The following PTPRG variants were observed in gnomAD, a reference collection of about 807,000 sequenced individuals.
The protein encoded by PTPRG is protein tyrosine phosphatase receptor type G.
Under a neutral mutation model 165.3 loss-of-function variants are expected in PTPRG, and 102 were observed. That is an observed-to-expected ratio of 0.62 (90% CI 0.53 to 0.73). The LOEUF (loss-of-function observed/expected upper bound fraction) is 0.73. Among genes scored for constraint, PTPRG ranks in the 30% least tolerant of loss-of-function variants. The pLI is 0.00. For synonymous variants in PTPRG, 675 were observed against 669.5 expected (o/e 1.01, Z -0.13); for missense variants, 1,866 against 1,861.4 (o/e 1.00, Z -0.05).
In PTPRG at chr3:62,115,635, A is replaced by G. The variant is rs889163410; in HGVS notation, c.616-16967A>G. 2.0e-5 allele frequency among the ~76,000 whole-genome samples: 3 copies of G among 151,268 alleles called. No homozygotes were observed. In the East Asian group the frequency reaches 5.8e-4, roughly 29 times the overall value. On this transcript the variant is annotated intron_variant, in intron 5 of 29. Transcript: ENST00000474889. ...GGCACCATATAGATTGATCCAAGGC[A>G]CATTCTTTTTTTTTTTTTTAGAGAC...
At chr3:62,099,211 C>T (rs1457149429) in intron 5 of PTPRG, among the ~76,000 whole-genome samples, 1 of 152,108 alleles carries the variant, frequency 6.6e-6, no homozygotes, top group Admixed American at 6.6e-5. Context: ...CAATAAAATC[C>T]AGAGGTCCAG....
At chr3:62,173,404 G>A (rs1311212275) in intron 8 of PTPRG, among the ~76,000 whole-genome samples, 1 of 152,120 alleles carries the variant, frequency 6.6e-6, no homozygotes, top group Non-Finnish European at 1.5e-5. Context: ...ATGTCTTGCG[G>A]TAAAGTTTTA....
At chr3:61,964,558 A>C (rs775692008) in intron 2 of PTPRG, among the ~76,000 whole-genome samples, 4 of 152,170 alleles carry the variant, frequency 2.6e-5, no homozygotes, top group Non-Finnish European at 5.9e-5. Context: ...CAAATCGCTG[A>C]ACTGCCCTTC....
At chr3:61,603,202 C>T (rs2106852305) in intron 1 of PTPRG, among the ~76,000 whole-genome samples, 1 of 152,270 alleles carries the variant, frequency 6.6e-6, no homozygotes, top group South Asian at 2.1e-4. Flanking sequence ...CTTAGGGCTA[C>T]TGATAAAGTT....
At chr3:61,718,955 A>G (rs2031935589) in intron 1 of PTPRG, among the ~76,000 whole-genome samples, 1 of 151,482 alleles carries the variant, frequency 6.6e-6, no homozygotes, top group African/African-American at 2.4e-5. Context: ...TGTACCTCTT[A>G]TAGCTTTGTT....
intron 2 of PTPRG, among the ~76,000 whole-genome samples, chr3:61,895,672 G>A (rs1248106621): frequency 6.6e-6 from 1 of 152,134 alleles, no homozygotes; most frequent in Non-Finnish European, 1.5e-5. Flanking sequence ...GGGCTTCTTG[G>A]TAGCAGTTTA....
At chr3:62,265,884 CTGTGCCTT>C in intron 17 of PTPRG, among the ~76,000 whole-genome samples, 1 of 111,850 alleles carries the variant, frequency 8.9e-6, no homozygotes. Flanking sequence ...ACGTATACAT[CTGTGCCTT>C]ATATACACAC....
In PTPRG at chr3:61,621,523, C is replaced by T. The variant is rs562608760; in HGVS notation, c.85+59151C>T. Among the ~76,000 whole-genome samples, 4 of 152,304 alleles carry T rather than the reference C, an allele frequency of 2.6e-5. No homozygotes were observed. In the East Asian group the frequency reaches 7.7e-4, roughly 29 times the overall value. ...ATACTGTGCTTTAGAAGTTTACTTT[C>T]TGATTCATCTCAGCAATTTTGTTTT... On this transcript the variant is annotated intron_variant, in intron 1 of 29. Coordinates refer to ENST00000474889, the MANE Select transcript of PTPRG (RefSeq NM_002841.4).
At chr3:62,258,109 C>G (rs1312618776) in intron 16 of PTPRG, among the ~76,000 whole-genome samples, 2 of 151,998 alleles carry the variant, frequency 1.3e-5, no homozygotes, top group Non-Finnish European at 2.9e-5. Flanking sequence ...AATTAGGAAC[C>G]CCCCCCACTA....
At chr3:62,259,987 A>G (rs1701645450) in intron 16 of PTPRG, among the ~76,000 whole-genome samples, 1 of 152,214 alleles carries the variant, frequency 6.6e-6, no homozygotes, top group African/African-American at 2.4e-5. Flanking sequence ...GAGGAAGGGA[A>G]TAACAAAGTC....
chr3:61,840,782 G>C (rs371124599), intron 2 of PTPRG, among the ~76,000 whole-genome samples: 1 of 120,084 alleles, frequency 8.3e-6, no homozygotes, highest in East Asian at 2.7e-4. Flanking sequence ...TTGTTTGTTT[G>C]TTTTTTTTTT....
chr3:61,923,551 T>TC lies in PTPRG; in HGVS notation c.191-66074_191-66073insC, dbSNP rs2039132800. 6.1e-5 allele frequency among the ~76,000 whole-genome samples: 9 copies of TC among 148,542 alleles called. No individual in the cohort carries two copies. The East Asian group carries it at 8.0e-4, about 13-fold the overall frequency. On this transcript the variant is annotated intron_variant, in intron 2 of 29. Coordinates refer to ENST00000474889, the MANE Select transcript of PTPRG (RefSeq NM_002841.4). Reference sequence around the variant, plus strand: ...TAGGTATATCTCCTAATGCCAACCCTTCCCCTCCCCCCACCCCACAACAGC... The same window carrying TC: ...TAGGTATATCTCCTAATGCCAACCCTCTCCCCTCCCCCCACCCCACAACAGC...
rs765064545 is a variant in PTPRG, at chr3:62,228,041, C to T, written c.2289-3184C>T. Among the ~76,000 whole-genome samples, 7 of 152,094 alleles carry T rather than the reference C, an allele frequency of 4.6e-5. No homozygotes were observed. Among genetic ancestry groups the T allele is most frequent in the African/African-American group, 9.7e-5 (4 of 41,412 alleles). On this transcript the variant is annotated intron_variant, in intron 13 of 29. Coordinates refer to ENST00000474889, the MANE Select transcript of PTPRG (RefSeq NM_002841.4). The surrounding 1 kb of genome is among the most constrained non-coding windows in gnomAD (Gnocchi z 4.1). ...CCAGTTTGCCAGTCTCTGCCCTCCCCGCTATTCCCTGCCTGTTTGGCCCCT... is the reference window on the plus strand; with the variant it reads ...CCAGTTTGCCAGTCTCTGCCCTCCCTGCTATTCCCTGCCTGTTTGGCCCCT...
intron 2 of PTPRG, among the ~76,000 whole-genome samples, chr3:61,803,465 T>TTGGACAACA (rs1559620540): frequency 1.5e-5 from 2 of 132,710 alleles, no homozygotes; most frequent in Non-Finnish European, 3.3e-5. Context: ...AGCCATTGTT[T>TTGGACAACA]TGGACAACAT....
At chr3:62,055,706 C>A (rs1700610980) in intron 4 of PTPRG, among the ~76,000 whole-genome samples, 1 of 152,172 alleles carries the variant, frequency 6.6e-6, no homozygotes, top group African/African-American at 2.4e-5. Flanking sequence ...CTCTTAGCTT[C>A]TGGTGGTTTG....
At chr3:61,993,379 G>A (rs534785109) in intron 3 of PTPRG, among the ~76,000 whole-genome samples, 35 of 151,954 alleles carry the variant, frequency 2.3e-4, no homozygotes, top group African/African-American at 5.3e-4. Flanking sequence ...CACCACACCC[G>A]GCTAATTTTT....
chr3:61,725,994 T>C (rs1248978112), intron 1 of PTPRG, among the ~76,000 whole-genome samples: 1 of 152,182 alleles, frequency 6.6e-6, no homozygotes, highest in Admixed American at 6.5e-5. Flanking sequence ...TTTGCCTCAC[T>C]GGTATCAAAT....
intron 24 of PTPRG, 98 bp downstream of exon 24, chr3:62,276,064 A>G: frequency 2.3e-6 from 2 of 858,258 alleles, no homozygotes; most frequent in South Asian, 3.5e-5. Context: ...AGCACCCTTC[A>G]ATTGTACTGT....
At chr3:61,920,810 T>C (rs1319207003) in intron 2 of PTPRG, among the ~76,000 whole-genome samples, 1 of 152,230 alleles carries the variant, frequency 6.6e-6, no homozygotes, top group Non-Finnish European at 1.5e-5. Context: ...ATTTTTTAAA[T>C]GTATGTGATT....
Sources: gnomAD v4.1 joint callset for allele counts (sites outside exome capture counted in the v4.1 genomes callset) on GRCh38, gnomAD v4.1.1 for gene constraint, Gnocchi (gnomAD v3.1) non-coding constraint, MANE v1.5 for transcripts, NCBI Gene and HGNC (gene_info 2026-07-23, HGNC 2026-07-21) for gene names.